Variants in PTPRS observed in about 807,000 individuals in gnomAD.
PTPRS encodes the protein receptor-type tyrosine-protein phosphatase S.
Under a neutral mutation model 215.3 loss-of-function variants are expected in PTPRS, and 63 were observed. That is an observed-to-expected ratio of 0.29 (90% CI 0.24 to 0.36). PTPRS has a LOEUF of 0.36. Among genes scored for constraint, PTPRS ranks in the 10% least tolerant of loss-of-function variants. The probability of loss-of-function intolerance (pLI) is 1.00; values close to 1 mark genes in which losing one functional copy is unlikely to be tolerated. For missense variants in PTPRS, 2,258 were observed against 2,825.8 expected, an observed-to-expected ratio of 0.80 and a Z score of 4.56; for synonymous variants, 1,404 against 1,191.4, an observed-to-expected ratio of 1.18 and a Z score of -3.68.
rs749715871 is a variant in PTPRS, at chr19:5,225,712, G to A, written c.2494+15C>T. 1.9e-6 allele frequency: 3 copies of A among 1,606,752 alleles called. No homozygotes were observed. Among genetic ancestry groups the A allele is most frequent in the Admixed American group, 1.7e-5 (1 of 60,016 alleles). On this transcript the variant is annotated intron_variant, in intron 17 of 37. Coordinates refer to ENST00000262963, the MANE Select transcript of PTPRS (RefSeq NM_002850.4). ...AAGGGGCTGTTGGTGGGTGGGAGGA[G>A]GGCGGGTTGCATACCTGCTCCCTTG...
chr19:5,220,918 C>G (rs1313161675), intron 20 of PTPRS, 82 bp downstream of exon 20: 49 of 1,483,670 alleles, frequency 3.3e-5, no homozygotes, highest in Non-Finnish European at 4.2e-5. Context: ...AATTGAGGCA[C>G]AGAGAGGGCA....
intron 13 of PTPRS, 124 bp from the exon 14 acceptor site, chr19:5,231,739 A>C: frequency 1.2e-5 from 4 of 326,824 alleles, no homozygotes; most frequent in Admixed American, 4.4e-5. Context: ...ACAAAACAGA[A>C]CCAAACCAAA....
intron 4 of PTPRS, among the ~76,000 whole-genome samples, chr19:5,267,431 T>C (rs941477072): frequency 6.6e-6 from 1 of 152,168 alleles, no homozygotes; most frequent in Non-Finnish European, 1.5e-5. Context: ...ACGAAGCAGG[T>C]GGATCACCTG....
chr19:5,312,690 T>C (rs1339736010), intron 1 of PTPRS, among the ~76,000 whole-genome samples: 1 of 152,022 alleles, frequency 6.6e-6, no homozygotes. Flanking sequence ...AATAAAATAA[T>C]AGCAATAGTA....
At chr19:5,280,393 G>A (rs942750141) in intron 2 of PTPRS, among the ~76,000 whole-genome samples, 5 of 152,274 alleles carry the variant, frequency 3.3e-5, no homozygotes, top group African/African-American at 7.2e-5. Context: ...TGATATGACC[G>A]TATGTGTGTG....
At chr19:5,329,250 A>T (rs1166837303) in intron 1 of PTPRS, among the ~76,000 whole-genome samples, 1 of 152,056 alleles carries the variant, frequency 6.6e-6, no homozygotes, top group Non-Finnish European at 1.5e-5. Context: ...AGGAGAGATG[A>T]GGCCAGCGGC....
chr19:5,267,226 G>A (rs562856584), intron 4 of PTPRS, among the ~76,000 whole-genome samples: 5 of 151,982 alleles, frequency 3.3e-5, no homozygotes, highest in East Asian at 1.9e-4. Flanking sequence ...GGGGGGGAGC[G>A]GGGACAAGGA....
At chr19:5,307,438 G>C (rs1484243563) in intron 1 of PTPRS, among the ~76,000 whole-genome samples, 1 of 151,498 alleles carries the variant, frequency 6.6e-6, no homozygotes, top group Admixed American at 6.6e-5. Flanking sequence ...TATGAGATCA[G>C]TATCACAGCT....
In PTPRS at chr19:5,287,004, A is replaced by G. The variant is rs961729041; in HGVS notation, c.-94-770T>C. Among the ~76,000 whole-genome samples, 1 of 152,180 alleles carries G rather than the reference A, an allele frequency of 6.6e-6. No homozygotes were observed. Among genetic ancestry groups the G allele is most frequent in the Non-Finnish European group, 1.5e-5 (1 of 68,018 alleles). ...GCTCTAAAACCTGATCCCCCAGGTT[A>G]TAAGACAAATCTCTTCCACACACCT... On this transcript the variant is annotated intron_variant, in intron 1 of 37. Coordinates refer to ENST00000262963, the MANE Select transcript of PTPRS (RefSeq NM_002850.4). This position sits in a 1 kb window ranked among gnomAD's most constrained non-coding sequence, Gnocchi z 4.8.
At chr19:5,231,060 C>A (rs1291635272) in intron 14 of PTPRS, among the ~76,000 whole-genome samples, 2 of 152,208 alleles carry the variant, frequency 1.3e-5, no homozygotes, top group African/African-American at 4.8e-5. Flanking sequence ...AAATAGAGGG[C>A]AGCCAGCGAA....
intron 9 of PTPRS, chr19:5,251,078 G>C (rs118134677): frequency 0.016 from 2,525 of 160,454 alleles, 26 homozygotes; most frequent in Middle Eastern, 0.027. Context: ...GCAGCCTCCG[G>C]GGGGTTTATT....
intron 1 of PTPRS, among the ~76,000 whole-genome samples, chr19:5,327,976 A>T (rs2050215347): frequency 6.6e-6 from 1 of 151,964 alleles, no homozygotes; most frequent in Non-Finnish European, 1.5e-5. Context: ...TGGGCCTCTC[A>T]CCTTCTCCTC....
At chr19:5,259,661 C>T (rs189881632) in intron 7 of PTPRS, among the ~76,000 whole-genome samples, 89 of 152,316 alleles carry the variant, frequency 5.8e-4, no homozygotes, top group African/African-American at 2.1e-3. Flanking sequence ...AAGTGCCTGT[C>T]GACCATGAGT....
At chr19:5,292,089 T>C (rs913980439) in intron 1 of PTPRS, among the ~76,000 whole-genome samples, 1 of 152,100 alleles carries the variant, frequency 6.6e-6, no homozygotes, top group African/African-American at 2.4e-5. Flanking sequence ...TCAAGACCCA[T>C]TCTGAGCTAC....
At chr19:5,238,761 G>A (rs2043708941) in intron 13 of PTPRS, among the ~76,000 whole-genome samples, 158 bp downstream of exon 13, 1 of 152,246 alleles carries the variant, frequency 6.6e-6, no homozygotes, top group African/African-American at 2.4e-5. Flanking sequence ...GCACAGCGCG[G>A]GTAGATGGAT....
chr19:5,308,830 G>A (rs1446337500), intron 1 of PTPRS, among the ~76,000 whole-genome samples: 1 of 152,206 alleles, frequency 6.6e-6, no homozygotes, highest in Admixed American at 6.5e-5. Flanking sequence ...CACAATGCCT[G>A]GCCAAGCGCA....
intron 13 of PTPRS, among the ~76,000 whole-genome samples, chr19:5,234,759 A>C (rs2043295816): frequency 6.6e-6 from 1 of 152,166 alleles, no homozygotes; most frequent in African/African-American, 2.4e-5. Context: ...TGTGCCAGGC[A>C]CTGTGTTAAA....
intron 4 of PTPRS, among the ~76,000 whole-genome samples, chr19:5,266,719 G>A (rs1287690871): frequency 6.6e-6 from 1 of 152,010 alleles, no homozygotes; most frequent in Non-Finnish European, 1.5e-5. Context: ...CTGTGGTCCG[G>A]CCACCCTCAG....
intron 1 of PTPRS, among the ~76,000 whole-genome samples, chr19:5,331,127 T>TAAAA (rs1568622692): frequency 2.7e-4 from 22 of 80,692 alleles, no homozygotes; most frequent in African/African-American, 9.9e-4. Flanking sequence ...GCTTCTTTTT[T>TAAAA]TAAAAAAAAA....
Sources: gnomAD v4.1 joint callset for allele counts (sites outside exome capture counted in the v4.1 genomes callset) on GRCh38, gnomAD v4.1.1 for gene constraint, Gnocchi (gnomAD v3.1) non-coding constraint, MANE v1.5 for transcripts, NCBI Gene and HGNC (gene_info 2026-07-23, HGNC 2026-07-21) for gene names.